The following CRTAC1 variants were observed in gnomAD, a reference collection of about 807,000 sequenced individuals.
CRTAC1 encodes cartilage acidic protein 1, also known as acidic secreted protein in cartilage.
CRTAC1 carries 37 observed loss-of-function variants against 67.8 expected under a neutral mutation model. The ratio of observed to expected loss-of-function variants is 0.55; its 90% CI spans 0.42 to 0.72. The LOEUF (loss-of-function observed/expected upper bound fraction) is 0.72. Ranked by LOEUF, CRTAC1 falls within the 30% of genes least tolerant of loss-of-function variation. The pLI, the probability that CRTAC1 is intolerant of heterozygous loss-of-function variation, is 0.00. For missense variants in CRTAC1, 780 were observed against 931.6 expected (o/e 0.84, Z 2.12); for synonymous variants, 348 against 371.0 (o/e 0.94, Z 0.71).
chr10:98,000,642 C>G (rs1806641515), intron 2 of CRTAC1, among the ~76,000 whole-genome samples: 1 of 152,152 alleles, frequency 6.6e-6, no homozygotes, highest in Non-Finnish European at 1.5e-5. Context: ...CAGGCCCAAG[C>G]AAAACTTGGG....
Position 97,894,767 on chromosome 10 carries a change from A to G in CRTAC1, c.1486+478T>C, listed in dbSNP as rs538327998. On this transcript the variant is annotated intron_variant, in intron 11 of 14. Coordinates refer to ENST00000370597, the MANE Select transcript of CRTAC1 (RefSeq NM_018058.7). ...ATATATATATATATATATATATATG[A>G]TAGGATTTTGTCATCCCCCTGCCCT... Among the ~76,000 whole-genome samples the G allele has an allele frequency of 8.5e-3, 501 of 59,266 alleles. 4 individuals carry two copies. The highest frequency in any genetic ancestry group is 0.015 in the Non-Finnish European group (410 of 27,734). The allele number at this position is 59,266 out of a possible 152,430, so 38.9% of individuals were successfully genotyped here. A position where few individuals can be genotyped will look rare whatever the true frequency, so the allele number is the denominator to read the frequency against.
At chr10:97,979,991 G>T (rs539342058) in intron 2 of CRTAC1, among the ~76,000 whole-genome samples, 2 of 152,136 alleles carry the variant, frequency 1.3e-5, no homozygotes, top group South Asian at 4.1e-4. Flanking sequence ...TTCAACAAAC[G>T]CCCGGGGCCA....
intron 3 of CRTAC1, among the ~76,000 whole-genome samples, chr10:97,933,050 C>T (rs2051025115): frequency 6.6e-6 from 1 of 152,244 alleles, no homozygotes; most frequent in Non-Finnish European, 1.5e-5. Flanking sequence ...TGGCACATGC[C>T]ATGGGCACAG....
At chr10:98,014,930 A>G (rs1842968641) in intron 1 of CRTAC1, among the ~76,000 whole-genome samples, 2 of 152,366 alleles carry the variant, frequency 1.3e-5, no homozygotes, top group South Asian at 4.1e-4. Flanking sequence ...CATATGATCT[A>G]GCAATTCCAC....
intron 3 of CRTAC1, among the ~76,000 whole-genome samples, chr10:97,924,535 C>A (rs1256306152): frequency 6.6e-6 from 1 of 152,166 alleles, no homozygotes; most frequent in Non-Finnish European, 1.5e-5. Flanking sequence ...TGATCTGGAG[C>A]CCCAGTGTTG....
At chr10:97,916,956 T>TC (rs2050767313) in intron 5 of CRTAC1, among the ~76,000 whole-genome samples, 1 of 148,154 alleles carries the variant, frequency 6.7e-6, no homozygotes, top group Non-Finnish European at 1.5e-5. Flanking sequence ...GAGCGTGCCT[T>TC]CAAAAAAAAG....
In CRTAC1 at chr10:97,865,297, T is replaced by C; in HGVS notation, c.*251A>G. On this transcript the variant is annotated 3_prime_UTR_variant, in exon 15 of 15. Coordinates refer to ENST00000370597, the MANE Select transcript of CRTAC1 (RefSeq NM_018058.7). Reference sequence around the variant, plus strand: ...CTGGGCACATCTGTGTCCTAAGATATGGTCATTAGACCCACTGGAATGTAA... The same window carrying C: ...CTGGGCACATCTGTGTCCTAAGATACGGTCATTAGACCCACTGGAATGTAA... 2.4e-6 allele frequency: 1 copy of C among 410,982 alleles called. No individual in the cohort carries two copies. Among genetic ancestry groups the C allele is most frequent in the African/African-American group, 2.0e-5 (1 of 50,340 alleles). The allele number at this position is 410,982 out of a possible 1,614,324, so 25.5% of individuals were successfully genotyped here. A position where few individuals can be genotyped will look rare whatever the true frequency, so the allele number is the denominator to read the frequency against.
chr10:97,869,035 C>A (rs140613090), intron 14 of CRTAC1: 2 of 152,350 alleles, frequency 1.3e-5, no homozygotes, highest in East Asian at 3.9e-4. Context: ...AATTGCAGAT[C>A]TTGGCTTTGA....
At chr10:97,882,858 G>C (rs187228915) in intron 12 of CRTAC1, 30 bp from the exon 13 acceptor site, 10 of 1,613,240 alleles carry the variant, frequency 6.2e-6, no homozygotes, top group Middle Eastern at 1.6e-4. Flanking sequence ...AGAGACATGA[G>C]TGAGTTGAGA....
rs2050438517 is a variant in CRTAC1, at chr10:97,895,178, C to T, written c.1486+67G>A. On this transcript the variant is annotated intron_variant, in intron 11 of 14. Coordinates refer to ENST00000370597, the MANE Select transcript of CRTAC1 (RefSeq NM_018058.7). The surrounding 1 kb of genome is among the most constrained non-coding windows in gnomAD (Gnocchi z 4.2). The stretch of plus-strand genomic sequence containing the variant: ...GGAGCGGTGCCCAAGGATGCTCGGG[C>T]TGTGAGTCCCTGAATCAGTCAGCAT... 4.0e-6 allele frequency: 6 copies of T among 1,511,740 alleles called. No homozygotes were observed. In the East Asian group the frequency reaches 1.4e-4, roughly 34 times the overall value. The allele number at this position is 1,511,740 out of a possible 1,614,324, so 93.6% of individuals were successfully genotyped here.
At chr10:97,935,747 G>A (rs778535192) in intron 3 of CRTAC1, among the ~76,000 whole-genome samples, 3 of 152,176 alleles carry the variant, frequency 2.0e-5, no homozygotes, top group Non-Finnish European at 4.4e-5. Context: ...ATTTTAGAAA[G>A]GTCCTCTACA....
chr10:97,939,114 G>A (rs61875763), intron 2 of CRTAC1, among the ~76,000 whole-genome samples: 79 of 152,228 alleles, frequency 5.2e-4, no homozygotes, highest in Admixed American at 1.4e-3. Context: ...ACCCCTGCCC[G>A]TTGGGTCTCC....
In CRTAC1 at chr10:97,952,561, A is replaced by G. The variant is rs1590234262; in HGVS notation, c.225-16195T>C. ...CTCAAAAAAAAAAAAAAAAAAAAAA[A>G]AGAACGCAAATTCTAGAGCACTACC... On this transcript the variant is annotated intron_variant, in intron 2 of 14. Transcript: ENST00000370597. Among the ~76,000 whole-genome samples, 3 of 142,926 alleles carry G rather than the reference A, an allele frequency of 2.1e-5. No homozygotes were observed. The South Asian group carries it at 6.6e-4, about 32-fold the overall frequency. 93.8% of individuals were successfully genotyped at this position (142,926 alleles called of 152,430 possible).
chr10:97,998,087 C>T (rs1266318109), intron 2 of CRTAC1, among the ~76,000 whole-genome samples: 2 of 152,198 alleles, frequency 1.3e-5, no homozygotes, highest in Non-Finnish European at 1.5e-5. Context: ...CTTCCCACAT[C>T]AGCCTCCTGA....
At chr10:97,868,711 G>A (rs2050055735) in intron 14 of CRTAC1, 1 of 152,196 alleles carries the variant, frequency 6.6e-6, no homozygotes, top group East Asian at 1.9e-4. Flanking sequence ...GTTCTACCCC[G>A]AGGCCAGATT....
At chr10:97,969,812 G>T (rs962770231) in intron 2 of CRTAC1, among the ~76,000 whole-genome samples, 3 of 151,996 alleles carry the variant, frequency 2.0e-5, no homozygotes, top group Non-Finnish European at 2.9e-5. Context: ...GAGGCAGTAG[G>T]CTTAGTCATT....
intron 3 of CRTAC1, among the ~76,000 whole-genome samples, chr10:97,935,844 A>G (rs2051077650): frequency 6.6e-6 from 1 of 152,074 alleles, no homozygotes; most frequent in Non-Finnish European, 1.5e-5. Context: ...AGGGCAGGGC[A>G]GTGGGGCTGG....
rs941762967 is a variant in CRTAC1 at position 97,886,350 on chromosome 10, A to G, written c.1487-1999T>C. On this transcript the variant is annotated intron_variant, in intron 11 of 14. Transcript: ENST00000370597. ...CTATGAGGGCCAGGACCAGAGCTAC[A>G]CTCTGAAGAGTCCATGGAGAGGCAG... 1.4e-4 allele frequency among the ~76,000 whole-genome samples: 21 copies of G among 152,282 alleles called. No homozygotes were observed. The Middle Eastern group carries it at 0.01, about 74-fold the overall frequency.
intron 2 of CRTAC1, among the ~76,000 whole-genome samples, chr10:98,003,868 A>G (rs975218028): frequency 6.6e-6 from 1 of 152,044 alleles, no homozygotes; most frequent in African/African-American, 2.4e-5. Flanking sequence ...GAGAGTATGT[A>G]ATTTGGGGTG....
Sources: allele counts gnomAD v4.1 joint callset (sites outside exome capture counted in the v4.1 genomes callset), GRCh38; gene constraint gnomAD v4.1.1; non-coding constraint Gnocchi (gnomAD v3.1); transcripts MANE v1.5; gene names NCBI Gene and HGNC (gene_info 2026-07-23, HGNC 2026-07-21).